Variants in NAA35 observed in about 807,000 individuals in gnomAD.
NAA35 encodes N-alpha-acetyltransferase 35, NatC auxiliary subunit.
NAA35 carries 18 observed loss-of-function variants against 101.7 expected under a neutral mutation model. The ratio of observed to expected loss-of-function variants is 0.18; its 90% CI spans 0.12 to 0.26. The LOEUF (loss-of-function observed/expected upper bound fraction) is 0.26. Among genes scored for constraint, NAA35 ranks in the 10% least tolerant of loss-of-function variants. The probability of loss-of-function intolerance (pLI) is 1.00; values close to 1 mark genes in which losing one functional copy is unlikely to be tolerated. For synonymous variants in NAA35, 267 were observed against 273.1 expected (o/e 0.98, Z 0.22); for missense variants, 601 against 886.8 (o/e 0.68, Z 4.09).
intron 11 of NAA35, among the ~76,000 whole-genome samples, chr9:85,988,206 G>A (rs980266954): frequency 6.6e-6 from 1 of 152,116 alleles, no homozygotes; most frequent in African/African-American, 2.4e-5. Context: ...CTCCTTCAGT[G>A]ATATCATAAT....
intron 3 of NAA35, among the ~76,000 whole-genome samples, chr9:85,957,235 A>G (rs1415195099): frequency 6.6e-6 from 1 of 152,256 alleles, no homozygotes; most frequent in Non-Finnish European, 1.5e-5. Context: ...AATAAACTAG[A>G]GAAAAGAAAA....
At chr9:85,956,529 AT>A in intron 3 of NAA35, 136 bp downstream of exon 3, 1 of 462,094 alleles carries the variant, frequency 2.2e-6, no homozygotes, top group Non-Finnish European at 3.6e-6. Context: ...TTATAAATAT[AT>A]TTTTAACTGT....
chr9:85,996,162 A>G lies in NAA35; in HGVS notation c.878-237A>G, dbSNP rs1831146945. On this transcript the variant is annotated intron_variant, in intron 11 of 22. Coordinates refer to ENST00000361671, the MANE Select transcript of NAA35 (RefSeq NM_024635.4). ...GACATAGAAACTCCCCTCCATCACC[A>G]CTATCACCACCATGTAGGTAGGAGG... Among the ~76,000 whole-genome samples, 3 of 152,072 alleles carry G rather than the reference A, an allele frequency of 2.0e-5. No individual in the cohort carries two copies. In the South Asian group the frequency reaches 6.2e-4, roughly 32 times the overall value.
At chr9:85,986,780 G>A (rs1272727445) in intron 11 of NAA35, 9 of 265,942 alleles carry the variant, frequency 3.4e-5, no homozygotes, top group Admixed American at 2.1e-4. Flanking sequence ...TAGTGGAGAC[G>A]GAGTTTCACC....
At chr9:85,990,017 C>T (rs1421479094) in intron 11 of NAA35, among the ~76,000 whole-genome samples, 5 of 152,176 alleles carry the variant, frequency 3.3e-5, no homozygotes, top group Non-Finnish European at 5.9e-5. Context: ...AACAGAGTTC[C>T]TGAGACTGGG....
chr9:85,949,385 C>T (rs1828911275), intron 2 of NAA35, among the ~76,000 whole-genome samples: 1 of 151,714 alleles, frequency 6.6e-6, no homozygotes, highest in African/African-American at 2.4e-5. Flanking sequence ...ACCTCCACCT[C>T]CCAGGTTCAA....
At chr9:85,941,567 A>T (rs1828517000) in intron 1 of NAA35, 1 of 985,654 alleles carries the variant, frequency 1.0e-6, no homozygotes, top group African/African-American at 1.7e-5. Context: ...GGCTGGGCTG[A>T]CCCGGGCAGG....
At chr9:86,006,151 C>T (rs1831633065) in intron 13 of NAA35, among the ~76,000 whole-genome samples, 2 of 151,428 alleles carry the variant, frequency 1.3e-5, no homozygotes, top group Non-Finnish European at 2.9e-5. Context: ...GCCTGGGCAA[C>T]AGAGCGAGAC....
intron 16 of NAA35, 138 bp from the exon 17 acceptor site, chr9:86,013,581 T>G (rs1241505906): frequency 2.7e-6 from 2 of 737,766 alleles, no homozygotes; most frequent in East Asian, 5.2e-5. Context: ...TAACTAAAAA[T>G]GCATTTAAAA....
At chr9:86,016,710 T>C in intron 18 of NAA35, 35 bp downstream of exon 18, 1 of 1,590,426 alleles carries the variant, frequency 6.3e-7, no homozygotes, top group Non-Finnish European at 8.5e-7. Flanking sequence ...AAGAACAGAG[T>C]GTACTTTAAT....
intron 3 of NAA35, among the ~76,000 whole-genome samples, chr9:85,957,607 G>A (rs928275294): frequency 2.6e-5 from 4 of 152,090 alleles, no homozygotes; most frequent in African/African-American, 9.7e-5. Context: ...GAATTTTGGT[G>A]GAGGCAAACC....
Position 86,017,453 on chromosome 9 carries a change from G to A in NAA35, c.1706-45G>A, listed in dbSNP as rs191524142. The A allele has an allele frequency of 1.7e-3, 2,619 of 1,562,006 alleles. 69 individuals carry two copies. The South Asian group carries it at 0.027, about 16-fold the overall frequency. On this transcript the variant is annotated intron_variant, in intron 18 of 22. Coordinates refer to ENST00000361671, the MANE Select transcript of NAA35 (RefSeq NM_024635.4). The stretch of plus-strand genomic sequence containing the variant: ...TTCTTTTGCAGTAATGCAAGAGGGA[G>A]GAGGAAAAGATTATGGAAGATTACG...
chr9:85,999,436 A>G (rs1489285352), intron 12 of NAA35, among the ~76,000 whole-genome samples: 2 of 152,234 alleles, frequency 1.3e-5, no homozygotes, highest in Admixed American at 6.5e-5. Context: ...TTGTTTTACC[A>G]GTTGTATTGG....
intron 11 of NAA35, among the ~76,000 whole-genome samples, chr9:85,991,640 C>T (rs1587628152): frequency 6.6e-6 from 1 of 152,182 alleles, no homozygotes; most frequent in Non-Finnish European, 1.5e-5. Flanking sequence ...AGGAGAGCAT[C>T]TCTAGAGGAG....
At position 86,021,971 on chromosome 9, in the gene NAA35, G is replaced by T; in HGVS notation, c.*11G>T. 6.2e-7 allele frequency: 1 copy of T among 1,612,034 alleles called. No homozygotes were observed. The highest frequency in any genetic ancestry group is 1.1e-5 in the South Asian group (1 of 90,864). On this transcript the variant is annotated 3_prime_UTR_variant, in exon 23 of 23. Coordinates refer to ENST00000361671, the MANE Select transcript of NAA35 (RefSeq NM_024635.4). ...GTGAAACTTGTTTGAGAGAGACTGG[G>T]GAGGTGGCCATAAAGGGGCAGAGTC... is the stretch of plus-strand genomic sequence containing the variant.
At chr9:85,972,221 G>A (rs1437096878) in intron 6 of NAA35, among the ~76,000 whole-genome samples, 1 of 151,938 alleles carries the variant, frequency 6.6e-6, no homozygotes, top group Non-Finnish European at 1.5e-5. Context: ...AAAAGGAAGA[G>A]GAAGCTGGAT....
chr9:85,980,999 G>A (rs1830414766), intron 11 of NAA35, among the ~76,000 whole-genome samples: 1 of 152,096 alleles, frequency 6.6e-6, no homozygotes, highest in African/African-American at 2.4e-5. Context: ...CAGACATTGT[G>A]TTCCCCTTCC....
At position 85,959,300 on chromosome 9, in the gene NAA35, C is replaced by T. The variant is rs1829407273; in HGVS notation, c.274-493C>T. Among the ~76,000 whole-genome samples, 6 of 149,622 alleles carry T rather than the reference C, an allele frequency of 4.0e-5. No individual in the cohort carries two copies. In the South Asian group the frequency reaches 6.3e-4, roughly 16 times the overall value. ...CTGAGGCAGGAGAATGGCGTGGACC[C>T]GGGAGGCGGAGCTTGCATTGAGCCG... On this transcript the variant is annotated intron_variant, in intron 4 of 22. Transcript: ENST00000361671.
rs888092923 is a variant in NAA35, at chr9:86,023,576, T to G, written c.*1616T>G. ...CAAAGTATAAAAAATATGTCCCCCTTAAAAGCAAAAAAAGGAATGTAGATT... is the reference window on the plus strand; with the variant it reads ...CAAAGTATAAAAAATATGTCCCCCTGAAAAGCAAAAAAAGGAATGTAGATT... On this transcript the variant is annotated 3_prime_UTR_variant, in exon 23 of 23. Transcript: ENST00000361671. Among the ~76,000 whole-genome samples the G allele has an allele frequency of 1.3e-5, 2 of 152,090 alleles. No homozygotes were observed. The highest frequency in any genetic ancestry group is 4.8e-5 in the African/African-American group (2 of 41,420).
Sources: gnomAD v4.1 joint callset for allele counts (sites outside exome capture counted in the v4.1 genomes callset) on GRCh38, gnomAD v4.1.1 for gene constraint, MANE v1.5 for transcripts, NCBI Gene and HGNC (gene_info 2026-07-23, HGNC 2026-07-21) for gene names.